ITGA9: variants seen among roughly 807,000 people sequenced by gnomAD.
ITGA9 encodes integrin alpha-9.
A neutral mutation model predicts 127.8 loss-of-function variants in ITGA9; 56 were observed. The observed-to-expected ratio is 0.44, with a 90% CI of 0.35 to 0.55. The LOEUF (loss-of-function observed/expected upper bound fraction) is 0.55. Ranked by LOEUF, ITGA9 falls within the 20% of genes least tolerant of loss-of-function variation. The probability of loss-of-function intolerance (pLI) is 0.00; values close to 1 mark genes in which losing one functional copy is unlikely to be tolerated. For missense variants in ITGA9, 1,196 were observed against 1,347.1 expected, an observed-to-expected ratio of 0.89 and a Z score of 1.76; for synonymous variants, 508 against 514.5, an observed-to-expected ratio of 0.99 and a Z score of 0.17.
At chr3:37,653,655 C>T in intron 16 of ITGA9, 59 bp from the exon 17 acceptor site, 1 of 1,211,160 alleles carries the variant, frequency 8.3e-7, no homozygotes, top group Middle Eastern at 2.1e-4. Context: ...GAATTGGCCA[C>T]TGTGTACTCG....
intron 1 of ITGA9, among the ~76,000 whole-genome samples, chr3:37,453,122 C>CTG (rs1458039314): frequency 0.031 from 4,598 of 148,920 alleles, 176 homozygotes; most frequent in Non-Finnish European, 0.044. Flanking sequence ...GGCGCCCCCC[C>CTG]CCCCCCCCAG....
At chr3:37,562,150 G>A (rs1699497475) in intron 15 of ITGA9, among the ~76,000 whole-genome samples, 1 of 152,170 alleles carries the variant, frequency 6.6e-6, no homozygotes, top group African/African-American at 2.4e-5. Flanking sequence ...CTGGTTGTGG[G>A]CAGACTCTGC....
Position 37,452,624 on chromosome 3 carries a change from G to A in ITGA9, c.185+65G>A, listed in dbSNP as rs543470859. On this transcript the variant is annotated intron_variant, in intron 1 of 27. Coordinates refer to ENST00000264741, the MANE Select transcript of ITGA9 (RefSeq NM_002207.3). This position sits in a 1 kb window ranked among gnomAD's most constrained non-coding sequence, Gnocchi z 7.3. ...CCACCGCCCCGGCCCCCAGGCCAGC[G>A]CCGCCGCCGCCTTTCCGGTCTCTTC... 622 of 1,317,324 alleles carry A rather than the reference G, an allele frequency of 4.7e-4. 2 individuals carry two copies. The African/African-American group carries it at 9.1e-3, about 19-fold the overall frequency. The allele number at this position is 1,317,324 out of a possible 1,614,324, so 81.6% of individuals were successfully genotyped here. A position where few individuals can be genotyped will look rare whatever the true frequency, so the allele number is the denominator to read the frequency against.
intron 4 of ITGA9, among the ~76,000 whole-genome samples, chr3:37,490,809 G>C (rs1409127372): frequency 2.0e-5 from 3 of 152,112 alleles, no homozygotes; most frequent in Admixed American, 6.5e-5. Flanking sequence ...TTTTAGAATG[G>C]AGGAGCCATA....
At chr3:37,578,753 C>T (rs985048401) in intron 15 of ITGA9, among the ~76,000 whole-genome samples, 1 of 152,062 alleles carries the variant, frequency 6.6e-6, no homozygotes, top group Admixed American at 6.5e-5. Flanking sequence ...TCAGCAGGCT[C>T]CTGTGTCTGA....
chr3:37,578,464 C>A (rs1331212141), intron 15 of ITGA9, among the ~76,000 whole-genome samples: 1 of 152,188 alleles, frequency 6.6e-6, no homozygotes, highest in Non-Finnish European at 1.5e-5. Context: ...AGGAAGACAG[C>A]AGCTGTCCAT....
At chr3:37,715,806 T>G (rs1009523560) in intron 18 of ITGA9, among the ~76,000 whole-genome samples, 1 of 152,242 alleles carries the variant, frequency 6.6e-6, no homozygotes, top group African/African-American at 2.4e-5. Flanking sequence ...TGCCTCTGAC[T>G]GGCATCTCTA....
At chr3:37,579,594 G>T (rs1191638166) in intron 15 of ITGA9, among the ~76,000 whole-genome samples, 4 of 152,160 alleles carry the variant, frequency 2.6e-5, no homozygotes, top group Non-Finnish European at 5.9e-5. Flanking sequence ...TTGTAGATTG[G>T]AATAAAGTTG....
chr3:37,535,712 G>A (rs1457670120), intron 14 of ITGA9, among the ~76,000 whole-genome samples: 2 of 152,178 alleles, frequency 1.3e-5, no homozygotes, highest in East Asian at 1.9e-4. Context: ...CATAGATAAA[G>A]TCAAACATCC....
intron 18 of ITGA9, among the ~76,000 whole-genome samples, chr3:37,703,253 A>G (rs79428076): frequency 6.6e-6 from 1 of 152,096 alleles, no homozygotes; most frequent in Non-Finnish European, 1.5e-5. Context: ...ACCTGTTTGG[A>G]TTCTCTTATC....
At chr3:37,794,587 T>G (rs1372618270) in intron 26 of ITGA9, among the ~76,000 whole-genome samples, 1 of 152,266 alleles carries the variant, frequency 6.6e-6, no homozygotes, top group East Asian at 1.9e-4. Context: ...TCGCTTGAGG[T>G]AAATGAGCTC....
chr3:37,736,794 A>C, intron 19 of ITGA9, 110 bp from the exon 20 acceptor site: 1 of 777,052 alleles, frequency 1.3e-6, no homozygotes, highest in Non-Finnish European at 2.3e-6. Flanking sequence ...ATAAAACTAA[A>C]GCTTATCATG....
intron 23 of ITGA9, among the ~76,000 whole-genome samples, chr3:37,772,872 C>T (rs1362940373): frequency 6.6e-6 from 1 of 152,184 alleles, no homozygotes; most frequent in African/African-American, 2.4e-5. Context: ...CCACCAGGGG[C>T]AGATGAGGTG....
At chr3:37,512,181 T>TCC (rs1698935653) in intron 8 of ITGA9, among the ~76,000 whole-genome samples, 1 of 62,066 alleles carries the variant, frequency 1.6e-5, no homozygotes, top group East Asian at 3.7e-4. Flanking sequence ...TTTCTTTTCT[T>TCC]TTCTTTTCTT....
chr3:37,652,500 G>A (rs571467319), intron 16 of ITGA9, among the ~76,000 whole-genome samples: 1 of 152,248 alleles, frequency 6.6e-6, no homozygotes, highest in South Asian at 2.1e-4. Context: ...AGTGTTGGCT[G>A]GGACACTTTT....
rs79097989 is a variant in ITGA9 at position 37,762,582 on chromosome 3, A to G, written c.2541+12013A>G. ...ACTCAATCTGTCCTAGATCTGGGAA[A>G]GGCCTGGAAAGAGAAGGGCTGGCTG... On this transcript the variant is annotated intron_variant, in intron 23 of 27. Coordinates refer to ENST00000264741, the MANE Select transcript of ITGA9 (RefSeq NM_002207.3). Among the ~76,000 whole-genome samples the G allele has an allele frequency of 6.6e-3, 1,007 of 152,318 alleles. 8 individuals are homozygous for G. The highest frequency in any genetic ancestry group is 0.031 in the Middle Eastern group (9 of 294).
intron 6 of ITGA9, 108 bp downstream of exon 6, chr3:37,503,415 C>T (rs960222341): frequency 3.3e-5 from 41 of 1,257,726 alleles, no homozygotes; most frequent in African/African-American, 5.9e-5. Flanking sequence ...TTGGCTTTGA[C>T]GCCTGTTGTT....
At chr3:37,515,611 G>A (rs1018312949) in intron 9 of ITGA9, among the ~76,000 whole-genome samples, 1 of 152,164 alleles carries the variant, frequency 6.6e-6, no homozygotes, top group Non-Finnish European at 1.5e-5. Flanking sequence ...GTGTGGTGGT[G>A]CTTGCCTGTG....
chr3:37,479,979 A>G (rs1250601484), intron 3 of ITGA9, among the ~76,000 whole-genome samples: 1 of 152,206 alleles, frequency 6.6e-6, no homozygotes, highest in Non-Finnish European at 1.5e-5. Flanking sequence ...GAGGCAAACC[A>G]AGATGTTAAA....
Sources: gnomAD v4.1 joint callset for allele counts (sites outside exome capture counted in the v4.1 genomes callset) on GRCh38, gnomAD v4.1.1 for gene constraint, Gnocchi (gnomAD v3.1) non-coding constraint, MANE v1.5 for transcripts, NCBI Gene and HGNC (gene_info 2026-07-23, HGNC 2026-07-21) for gene names.